DPP6: variants seen among roughly 807,000 people sequenced by gnomAD.
DPP6 encodes the protein A-type potassium channel modulatory protein DPP6.
A neutral mutation model predicts 122.6 loss-of-function variants in DPP6; 69 were observed. That is an observed-to-expected ratio of 0.56 (90% CI 0.46 to 0.69). The LOEUF (loss-of-function observed/expected upper bound fraction) is 0.69. Ranked by LOEUF, DPP6 falls within the 30% of genes least tolerant of loss-of-function variation. The pLI, the probability that DPP6 is intolerant of heterozygous loss-of-function variation, is 0.00. For synonymous variants in DPP6, 418 were observed against 433.1 expected (o/e 0.97, Z 0.43); for missense variants, 928 against 1,116.9 (o/e 0.83, Z 2.41).
At chr7:154,480,751 T>G (rs1823195392) in intron 3 of DPP6, among the ~76,000 whole-genome samples, 1 of 152,104 alleles carries the variant, frequency 6.6e-6, no homozygotes, top group Non-Finnish European at 1.5e-5. Flanking sequence ...GACATTTCAA[T>G]TTTAACCTTA....
At chr7:154,118,135 A>G (rs1352740823) in intron 1 of DPP6, among the ~76,000 whole-genome samples, 1 of 150,416 alleles carries the variant, frequency 6.6e-6, no homozygotes, top group Non-Finnish European at 1.5e-5. Context: ...TGATAAGGCT[A>G]GTGGGCCTAG....
At chr7:153,757,723 C>T in the DPP6 span, among the ~76,000 whole-genome samples, 2 of 152,092 alleles carry the variant, frequency 1.3e-5, no homozygotes, top group Non-Finnish European at 2.9e-5. Context: ...TTTGGGAGGC[C>T]GAGGTAGGTG....
At chr7:154,676,361 G>T (rs892650883) in intron 7 of DPP6, among the ~76,000 whole-genome samples, 4 of 113,300 alleles carry the variant, frequency 3.5e-5, no homozygotes, top group Admixed American at 2.8e-4. Context: ...TGGAGGTCCA[G>T]CTGGCCTTCC....
intron 1 of DPP6, among the ~76,000 whole-genome samples, chr7:154,377,158 A>T (rs1813201067): frequency 6.6e-6 from 1 of 152,222 alleles, no homozygotes; most frequent in South Asian, 2.1e-4. Flanking sequence ...CATGTTGCAT[A>T]CGAAGAAACT....
chr7:154,431,471 CTTTTCTTTTCTTTTCTTTTCT>C (rs1818387461), intron 1 of DPP6, among the ~76,000 whole-genome samples: 1 of 17,774 alleles, frequency 5.6e-5, no homozygotes, highest in South Asian at 1.2e-3. Flanking sequence ...CTTTTCTTTT[CTTTTCTTTTCTTTTCTTTTCT>C]TTTCTTTTCT....
chr7:154,171,672 C>T (rs988786133), intron 1 of DPP6, among the ~76,000 whole-genome samples: 6 of 152,062 alleles, frequency 3.9e-5, no homozygotes, highest in Non-Finnish European at 7.4e-5. Flanking sequence ...ACCTGCCCTC[C>T]TCTGAGAGCT....
At chr7:154,061,398 G>A (rs1801851352) in intron 1 of DPP6, among the ~76,000 whole-genome samples, 2 of 146,982 alleles carry the variant, frequency 1.4e-5, no homozygotes, top group African/African-American at 5.0e-5. Context: ...AACCCAAACT[G>A]TGGGGCCCTG....
At chr7:154,810,341 A>G (rs1431394149) in intron 16 of DPP6, among the ~76,000 whole-genome samples, 1 of 152,236 alleles carries the variant, frequency 6.6e-6, no homozygotes, top group Non-Finnish European at 1.5e-5. Context: ...CCATGGATTT[A>G]GGCAGGGAAG....
Position 154,223,880 on chromosome 7 carries a change from CAGAG to C in DPP6, c.243+170818_243+170821del, listed in dbSNP as rs1307506096. Among the ~76,000 whole-genome samples, 6 of 148,932 alleles carry C rather than the reference CAGAG, an allele frequency of 4.0e-5. 1 individual carries two copies. Among genetic ancestry groups the C allele is most frequent in the African/African-American group, 1.5e-4 (6 of 39,024 alleles). ...TGAGCATGGAGGTGAATAGAACACT[CAGAG>C]GCCACTGTGGCCCAGCCGGGGAAAC... is the stretch of plus-strand genomic sequence containing the variant. On this transcript the variant is annotated intron_variant, in intron 1 of 25. Coordinates refer to ENST00000377770, the MANE Select transcript of DPP6 (RefSeq NM_130797.4).
At chr7:154,753,809 G>A (rs543824436) in intron 8 of DPP6, among the ~76,000 whole-genome samples, 9 of 152,202 alleles carry the variant, frequency 5.9e-5, no homozygotes, top group Admixed American at 5.2e-4. Context: ...TCCAAGAAGC[G>A]GCATGCGGAC....
At chr7:153,864,370 TG>T in the DPP6 span, among the ~76,000 whole-genome samples, 1 of 152,064 alleles carries the variant, frequency 6.6e-6, no homozygotes, top group Admixed American at 6.6e-5. Flanking sequence ...AATATATGCT[TG>T]GGGCCGGGCG....
Position 154,481,057 on chromosome 7 carries a change from G to T in DPP6, c.457+6020G>T, listed in dbSNP as rs892393683. ...ATCAGTCCACTCGGAGGGTTGGAGG[G>T]CTGGACTCAAGCCCAGCAGCAGCAG... On this transcript the variant is annotated intron_variant, in intron 3 of 25. Transcript: ENST00000377770. This position sits in a 1 kb window ranked among gnomAD's most constrained non-coding sequence, Gnocchi z 4.2. Among the ~76,000 whole-genome samples the T allele has an allele frequency of 3.3e-5, 5 of 152,090 alleles. No individual in the cohort carries two copies. Among genetic ancestry groups the T allele is most frequent in the Non-Finnish European group, 7.4e-5 (5 of 68,020 alleles).
At chr7:154,122,240 C>G (rs1445567062) in intron 1 of DPP6, among the ~76,000 whole-genome samples, 3 of 152,158 alleles carry the variant, frequency 2.0e-5, no homozygotes, top group Non-Finnish European at 4.4e-5. Context: ...ACATCATCCC[C>G]TGTGCATTTG....
chr7:154,854,410 T>A (rs1408868729), intron 17 of DPP6, among the ~76,000 whole-genome samples: 1 of 151,670 alleles, frequency 6.6e-6, no homozygotes, highest in Non-Finnish European at 1.5e-5. Context: ...GAGAAAGGGG[T>A]CCGTGGATGG....
At chr7:154,263,050 C>G (rs1803142185) in intron 1 of DPP6, among the ~76,000 whole-genome samples, 1 of 152,248 alleles carries the variant, frequency 6.6e-6, no homozygotes, top group Non-Finnish European at 1.5e-5. Context: ...TCAATAAAAT[C>G]TGTTCCCAGT....
chr7:153,801,472 A>G, the DPP6 span, among the ~76,000 whole-genome samples: 1 of 152,160 alleles, frequency 6.6e-6, no homozygotes, highest in Non-Finnish European at 1.5e-5. Flanking sequence ...GAGAGCGGGA[A>G]TGGACTCTGG....
intron 6 of DPP6, among the ~76,000 whole-genome samples, chr7:154,661,890 A>T (rs71534152): frequency 1.6e-5 from 2 of 127,748 alleles, no homozygotes; most frequent in Non-Finnish European, 1.8e-5. Context: ...TCACCATGGC[A>T]TATTGGCCGT....
Position 154,820,814 on chromosome 7 carries a change from G to A in DPP6, c.1666+13702G>A, listed in dbSNP as rs773719275. Among the ~76,000 whole-genome samples the A allele has an allele frequency of 3.9e-5, 6 of 152,172 alleles. No homozygotes were observed. In the East Asian group the frequency reaches 5.8e-4, roughly 15 times the overall value. The stretch of plus-strand genomic sequence containing the variant: ...AAAACTTTCCCCATGCTTTTGAGTC[G>A]TTAGGGAAAAGAAACCTAATGAGTG... On this transcript the variant is annotated intron_variant, in intron 16 of 25. Coordinates refer to ENST00000377770, the MANE Select transcript of DPP6 (RefSeq NM_130797.4).
chr7:154,440,186 C>T lies in DPP6; in HGVS notation c.244-6028C>T, dbSNP rs1044844024. On this transcript the variant is annotated intron_variant, in intron 1 of 25. Transcript: ENST00000377770. The stretch of plus-strand genomic sequence containing the variant: ...GGTGTTGGGGAAGGTGGGATGACAT[C>T]GTCTTCCACCACCACCACATCCCAT... Among the ~76,000 whole-genome samples, 4 of 152,162 alleles carry T rather than the reference C, an allele frequency of 2.6e-5. No individual in the cohort carries two copies. In the East Asian group the frequency reaches 5.8e-4, roughly 22 times the overall value.
Sources: gnomAD v4.1 joint callset for allele counts (sites outside exome capture counted in the v4.1 genomes callset) on GRCh38, gnomAD v4.1.1 for gene constraint, Gnocchi (gnomAD v3.1) non-coding constraint, MANE v1.5 for transcripts, NCBI Gene and HGNC (gene_info 2026-07-23, HGNC 2026-07-21) for gene names.